NCOA1: variants seen among roughly 807,000 people sequenced by gnomAD.
The protein encoded by NCOA1 is nuclear receptor coactivator 1, also known as Hin-2 protein.
NCOA1 carries 35 observed loss-of-function variants against 150.9 expected under a neutral mutation model. The ratio of observed to expected loss-of-function variants is 0.23; its 90% CI spans 0.18 to 0.31. The LOEUF (loss-of-function observed/expected upper bound fraction) is 0.31. Among genes scored for constraint, NCOA1 ranks in the 10% least tolerant of loss-of-function variants. NCOA1 has a pLI of 1.00. For synonymous variants in NCOA1, 590 were observed against 630.0 expected, an observed-to-expected ratio of 0.94 and a Z score of 0.95; for missense variants, 1,491 against 1,749.3, an observed-to-expected ratio of 0.85 and a Z score of 2.63.
chr2:24,514,034 A>G (rs1280319354), intron 1 of NCOA1, among the ~76,000 whole-genome samples: 1 of 152,232 alleles, frequency 6.6e-6, no homozygotes, highest in East Asian at 1.9e-4. Context: ...CATGCCTGTA[A>G]TCTCAGCACT....
intron 17 of NCOA1, 144 bp from the exon 18 acceptor site, chr2:24,739,288 T>C (rs1408872560): frequency 3.2e-6 from 2 of 617,512 alleles, no homozygotes; most frequent in Non-Finnish European, 5.7e-6. Context: ...TACTAGCCTT[T>C]TGGAAAATAA....
intron 15 of NCOA1, 43 bp downstream of exon 15, chr2:24,726,749 C>G (rs897084497): frequency 8.2e-7 from 1 of 1,226,672 alleles, no homozygotes; most frequent in Non-Finnish European, 1.1e-6. Context: ...CAGATACCAA[C>G]TTCTAAACAG....
intron 14 of NCOA1, among the ~76,000 whole-genome samples, chr2:24,721,565 C>T (rs142235642): frequency 1.4e-4 from 22 of 152,338 alleles, no homozygotes; most frequent in African/African-American, 5.1e-4. Context: ...GGGGAAACCC[C>T]TTGTGGCAGC....
chr2:24,532,472 C>G (rs550024692), intron 1 of NCOA1, among the ~76,000 whole-genome samples: 1 of 152,240 alleles, frequency 6.6e-6, no homozygotes, highest in African/African-American at 2.4e-5. Context: ...TCCTGTTTGT[C>G]AATTTTGGCT....
intron 2 of NCOA1, among the ~76,000 whole-genome samples, chr2:24,566,087 C>T (rs1228445259): frequency 6.6e-6 from 1 of 152,184 alleles, no homozygotes; most frequent in Non-Finnish European, 1.5e-5. Flanking sequence ...TTCAATCCTG[C>T]CATTTGATAT....
intron 2 of NCOA1, among the ~76,000 whole-genome samples, chr2:24,575,777 G>T (rs1572438769): frequency 1.3e-5 from 2 of 152,144 alleles, no homozygotes; most frequent in East Asian, 3.9e-4. Flanking sequence ...GTTTCACTGT[G>T]TTAGCCAGGA....
intron 3 of NCOA1, among the ~76,000 whole-genome samples, chr2:24,624,669 C>G (rs55673564): frequency 0.062 from 9,452 of 152,196 alleles, 332 homozygotes; most frequent in East Asian, 0.12. Context: ...AGATACAATT[C>G]CTTTCTTAGG....
At chr2:24,699,880 C>T (rs1673071391) in intron 11 of NCOA1, among the ~76,000 whole-genome samples, 1 of 152,208 alleles carries the variant, frequency 6.6e-6, no homozygotes, top group African/African-American at 2.4e-5. Context: ...TGCAGTGGCT[C>T]ATGCCTGTAA....
chr2:24,693,225 T>G (rs1216009416), intron 9 of NCOA1, 27 bp from the exon 10 acceptor site: 1 of 1,602,982 alleles, frequency 6.2e-7, no homozygotes, highest in East Asian at 2.2e-5. Context: ...TCTCTATCCT[T>G]CAATTTCCCC....
At chr2:24,582,078 T>C (rs1197981237) in intron 2 of NCOA1, among the ~76,000 whole-genome samples, 5 of 152,138 alleles carry the variant, frequency 3.3e-5, no homozygotes, top group Non-Finnish European at 4.4e-5. Context: ...ATCACTCTTA[T>C]TCAACATAGT....
rs1284261327 is a variant in NCOA1 at position 24,707,014 on chromosome 2, T to G, written c.1544T>G (p.Leu515Ter). Reference protein sequence around the residue: ...NNSFPPNISTLSSPVGMTSSA... With the variant: ...NNSFPPNIST ...TCCTTTCCTCCTAATATTTCGACAT[T>G]AAGCTCTCCCGTTGGCATGACAAGT... Residue 515 changes from leucine (L) to a stop codon, truncating the protein, a stop_gained, in exon 13 of 23, where the codon TTA (leucine) becomes TGA (stop). Transcript: ENST00000348332. LOFTEE classifies it high-confidence loss of function. 1 of 1,614,022 alleles carries G rather than the reference T, an allele frequency of 6.2e-7. No homozygotes were observed. Among genetic ancestry groups the G allele is most frequent in the Non-Finnish European group, 8.5e-7 (1 of 1,180,014 alleles).
intron 1 of NCOA1, among the ~76,000 whole-genome samples, chr2:24,536,322 T>G (rs1665141059): frequency 6.6e-6 from 1 of 152,238 alleles, no homozygotes; most frequent in African/African-American, 2.4e-5. Flanking sequence ...AGGTCTTCTC[T>G]ACACTGTTTA....
chr2:24,750,598 A>G (rs528764710), intron 19 of NCOA1, among the ~76,000 whole-genome samples: 2 of 152,360 alleles, frequency 1.3e-5, no homozygotes, highest in East Asian at 1.9e-4. Context: ...GTATGGCTAC[A>G]TTTACATGAA....
intron 14 of NCOA1, among the ~76,000 whole-genome samples, chr2:24,723,425 T>TGAC (rs1325321040): frequency 6.6e-6 from 1 of 152,220 alleles, no homozygotes; most frequent in African/African-American, 2.4e-5. Context: ...TTACCACATG[T>TGAC]GACGGTATAT....
At chr2:24,728,278 C>T (rs754337035) in intron 15 of NCOA1, 30 bp from the exon 16 acceptor site, 5 of 1,576,488 alleles carry the variant, frequency 3.2e-6, no homozygotes, top group Non-Finnish European at 8.6e-7. Context: ...CTATGTCAGT[C>T]TGAAACTTTC....
intron 3 of NCOA1, among the ~76,000 whole-genome samples, chr2:24,589,373 A>C (rs536534494): frequency 2.0e-5 from 3 of 152,224 alleles, no homozygotes; most frequent in African/African-American, 7.2e-5. Context: ...GCCTCTTGCT[A>C]TGGAATTACT....
intron 13 of NCOA1, among the ~76,000 whole-genome samples, chr2:24,708,766 A>C (rs1433788278): frequency 6.6e-6 from 1 of 152,180 alleles, no homozygotes; most frequent in Non-Finnish European, 1.5e-5. Context: ...GAATCAGCTT[A>C]GTTTTCTGCT....
intron 3 of NCOA1, among the ~76,000 whole-genome samples, chr2:24,639,742 G>T (rs1225299888): frequency 6.6e-6 from 1 of 151,224 alleles, no homozygotes; most frequent in Non-Finnish European, 1.5e-5. Flanking sequence ...CAAAAAATTA[G>T]CTGGGCATGG....
intron 1 of NCOA1, among the ~76,000 whole-genome samples, chr2:24,522,263 T>C (rs1036235787): frequency 2.7e-4 from 41 of 152,148 alleles, no homozygotes; most frequent in African/African-American, 8.7e-4. Context: ...ATAGTGATGA[T>C]CCAGTAACAC....
Sources: allele counts gnomAD v4.1 joint callset (sites outside exome capture counted in the v4.1 genomes callset), GRCh38; gene constraint gnomAD v4.1.1; transcripts MANE v1.5; gene names NCBI Gene and HGNC (gene_info 2026-07-23, HGNC 2026-07-21).